The following CDH4 variants were observed in gnomAD, a reference collection of about 807,000 sequenced individuals.
CDH4 encodes cadherin 4.
Under a neutral mutation model 86.0 loss-of-function variants are expected in CDH4, and 33 were observed. The ratio of observed to expected loss-of-function variants is 0.38; its 90% CI spans 0.29 to 0.51. The LOEUF (loss-of-function observed/expected upper bound fraction) is 0.51. Among genes scored for constraint, CDH4 ranks in the 20% least tolerant of loss-of-function variants. The probability of loss-of-function intolerance (pLI) is 0.86; values close to 1 mark genes in which losing one functional copy is unlikely to be tolerated. For missense variants in CDH4, 1,114 were observed against 1,307.4 expected (o/e 0.85, Z 2.28); for synonymous variants, 555 against 549.4 (o/e 1.01, Z -0.14).
At chr20:61,805,599 C>T (rs767065788) in intron 4 of CDH4, among the ~76,000 whole-genome samples, 34 of 152,230 alleles carry the variant, frequency 2.2e-4, no homozygotes, top group Non-Finnish European at 4.0e-4. Context: ...GGTCTCGGAC[C>T]CACCCCAGGT....
At chr20:61,410,385 T>C (rs1168134472) in intron 2 of CDH4, among the ~76,000 whole-genome samples, 2 of 151,456 alleles carry the variant, frequency 1.3e-5, no homozygotes, top group Non-Finnish European at 2.9e-5. Context: ...CATCCATTCA[T>C]CCATCTGTCA....
chr20:61,742,812 G>T (rs1353957026), intron 2 of CDH4, among the ~76,000 whole-genome samples: 1 of 152,178 alleles, frequency 6.6e-6, no homozygotes, highest in Admixed American at 6.5e-5. Flanking sequence ...GTGAAGGGAG[G>T]TTGGCATCCT....
At chr20:61,275,195 T>TG (rs34135401) in intron 2 of CDH4, among the ~76,000 whole-genome samples, 1 of 124,330 alleles carries the variant, frequency 8.0e-6, no homozygotes, top group African/African-American at 3.2e-5. Context: ...ATGTGCAGTT[T>TG]GGGGGAGTAC....
At chr20:61,763,023 G>C (rs1334097737) in intron 3 of CDH4, among the ~76,000 whole-genome samples, 1 of 152,200 alleles carries the variant, frequency 6.6e-6, no homozygotes, top group African/African-American at 2.4e-5. Flanking sequence ...TCAACACTGT[G>C]GGGCACTTCA....
intron 2 of CDH4, among the ~76,000 whole-genome samples, chr20:61,655,203 C>T (rs534466759): frequency 3.0e-4 from 45 of 152,310 alleles, no homozygotes; most frequent in South Asian, 2.9e-3. Context: ...CATGGGAAAA[C>T]GGCTGGACAC....
intron 2 of CDH4, among the ~76,000 whole-genome samples, chr20:61,408,157 T>G (rs1255094073): frequency 1.3e-5 from 2 of 152,092 alleles, no homozygotes; most frequent in South Asian, 4.2e-4. Flanking sequence ...CTCTCTCTTA[T>G]AAGGGTCCCT....
At chr20:61,668,768 C>A (rs998083900) in intron 2 of CDH4, among the ~76,000 whole-genome samples, 1 of 152,200 alleles carries the variant, frequency 6.6e-6, no homozygotes, top group Non-Finnish European at 1.5e-5. Flanking sequence ...GGTTCCAGGC[C>A]CCTGGGCCCT....
chr20:61,416,267 T>G (rs2085146666), intron 2 of CDH4, among the ~76,000 whole-genome samples: 1 of 152,222 alleles, frequency 6.6e-6, no homozygotes, highest in Admixed American at 6.5e-5. Context: ...CCCAAAGTGC[T>G]GGGATTACAG....
chr20:61,804,527 G>A (rs753101283), intron 4 of CDH4, among the ~76,000 whole-genome samples: 1 of 152,198 alleles, frequency 6.6e-6, no homozygotes. Flanking sequence ...AAAGCACTCA[G>A]TCCCCCTTCC....
At chr20:61,436,249 C>G (rs1209821280) in intron 2 of CDH4, among the ~76,000 whole-genome samples, 1 of 152,202 alleles carries the variant, frequency 6.6e-6, no homozygotes, top group East Asian at 1.9e-4. Context: ...TGCATGGATT[C>G]CATTTCAACC....
intron 2 of CDH4, among the ~76,000 whole-genome samples, chr20:61,420,003 C>T (rs1485491288): frequency 6.6e-6 from 1 of 152,214 alleles, no homozygotes; most frequent in South Asian, 2.1e-4. Context: ...TGTGCATTCT[C>T]ATTGAATTCC....
Position 61,301,209 on chromosome 20 carries a change from G to A in CDH4, c.169+46272G>A, listed in dbSNP as rs1041725435. ...GGTCACTAGAAAGTGAAGGAGGAGA[G>A]CTGAGCCTGGCCTGTCTCCACAATG... is the stretch of plus-strand genomic sequence containing the variant. On this transcript the variant is annotated intron_variant, in intron 2 of 15. Coordinates refer to ENST00000614565, the MANE Select transcript of CDH4 (RefSeq NM_001794.5). Among the ~76,000 whole-genome samples the A allele has an allele frequency of 4.6e-5, 7 of 152,232 alleles. 1 individual carries two copies. Among genetic ancestry groups the A allele is most frequent in the Admixed American group, 4.6e-4 (7 of 15,286 alleles).
At chr20:61,794,933 C>T (rs1297929321) in intron 4 of CDH4, among the ~76,000 whole-genome samples, 2 of 151,698 alleles carry the variant, frequency 1.3e-5, no homozygotes, top group African/African-American at 2.4e-5. Flanking sequence ...GAAGTGGTTC[C>T]CTCTGTCCTA....
chr20:61,289,152 C>CG lies in CDH4; in HGVS notation c.169+34219dup, dbSNP rs2084308263. Among the ~76,000 whole-genome samples the CG allele has an allele frequency of 2.0e-5, 3 of 152,324 alleles. No homozygotes were observed. The South Asian group carries it at 6.2e-4, about 32-fold the overall frequency. On this transcript the variant is annotated intron_variant, in intron 2 of 15. Coordinates refer to ENST00000614565, the MANE Select transcript of CDH4 (RefSeq NM_001794.5). ...GGGTGATGGGGAGGGCAGAGGAGAA[C>CG]GGGGTGCCCCACTGCACCCTGCCAT...
intron 2 of CDH4, among the ~76,000 whole-genome samples, chr20:61,328,001 A>G (rs6071584): frequency 0.15 from 23,168 of 152,096 alleles, 2,101 homozygotes; most frequent in African/African-American, 0.25. Context: ...TGGGAGATGG[A>G]CTGTATGTTT....
intron 2 of CDH4, among the ~76,000 whole-genome samples, chr20:61,602,847 G>A (rs908738423): frequency 2.6e-5 from 4 of 152,178 alleles, no homozygotes; most frequent in Admixed American, 1.3e-4. Context: ...GTACACGCCC[G>A]CAGGGCATTT....
intron 4 of CDH4, among the ~76,000 whole-genome samples, chr20:61,813,296 C>T (rs1176192966): frequency 6.6e-6 from 1 of 152,162 alleles, no homozygotes; most frequent in Non-Finnish European, 1.5e-5. Flanking sequence ...CTCGGGAGTC[C>T]ACGTGTGTCC....
intron 2 of CDH4, among the ~76,000 whole-genome samples, chr20:61,652,926 A>ATTTTTTTTTTTTTTTTT (rs1430069868): frequency 8.9e-6 from 1 of 112,618 alleles, no homozygotes; most frequent in African/African-American, 3.0e-5. Context: ...GAATTTATTT[A>ATTTTTTTTTTTTTTTTT]TTTATTTATT....
At chr20:61,853,640 G>A (rs995171334) in intron 6 of CDH4, among the ~76,000 whole-genome samples, 5 of 152,224 alleles carry the variant, frequency 3.3e-5, no homozygotes, top group South Asian at 2.1e-4. Flanking sequence ...GGCCGGGGAG[G>A]TGAAGCAGTT....
Sources: allele counts gnomAD v4.1 joint callset (sites outside exome capture counted in the v4.1 genomes callset), GRCh38; gene constraint gnomAD v4.1.1; transcripts MANE v1.5; gene names NCBI Gene and HGNC (gene_info 2026-07-23, HGNC 2026-07-21).